ACAP2: variants seen among roughly 807,000 people sequenced by gnomAD.
The protein encoded by ACAP2 is arf-GAP with coiled-coil, ANK repeat and PH domain-containing protein 2.
Under a neutral mutation model 115.8 loss-of-function variants are expected in ACAP2, and 39 were observed. The observed-to-expected ratio is 0.34, with a 90% CI of 0.26 to 0.44. ACAP2 has a LOEUF of 0.44. Among genes scored for constraint, ACAP2 ranks in the 20% least tolerant of loss-of-function variants. The pLI, the probability that ACAP2 is intolerant of heterozygous loss-of-function variation, is 1.00. For synonymous variants in ACAP2, 289 were observed against 315.8 expected, an observed-to-expected ratio of 0.92 and a Z score of 0.90; for missense variants, 662 against 927.6, an observed-to-expected ratio of 0.71 and a Z score of 3.72.
intron 1 of ACAP2, among the ~76,000 whole-genome samples, chr3:195,398,530 G>A (rs999654000): frequency 2.6e-5 from 4 of 151,856 alleles, no homozygotes; most frequent in Non-Finnish European, 2.9e-5. Context: ...CCCGCTACTC[G>A]GGAGGCTGAG....
At chr3:195,291,594 C>A in intron 20 of ACAP2, 112 bp downstream of exon 20, 1 of 699,474 alleles carries the variant, frequency 1.4e-6, no homozygotes, top group South Asian at 2.9e-5. Context: ...AGTCATGGAA[C>A]ACATCTCTTT....
At chr3:195,341,438 C>A (rs1210521680) in intron 6 of ACAP2, among the ~76,000 whole-genome samples, 1 of 149,808 alleles carries the variant, frequency 6.7e-6, no homozygotes, top group Non-Finnish European at 1.5e-5. Flanking sequence ...CATTCTCCTG[C>A]CTCAGCCTCC....
At chr3:195,313,280 T>A (rs1300775582) in intron 10 of ACAP2, among the ~76,000 whole-genome samples, 1 of 152,236 alleles carries the variant, frequency 6.6e-6, no homozygotes, top group Non-Finnish European at 1.5e-5. Context: ...TACTTGGATA[T>A]ACCTCTACTA....
At chr3:195,396,590 C>A (rs1304715287) in intron 1 of ACAP2, among the ~76,000 whole-genome samples, 1 of 151,806 alleles carries the variant, frequency 6.6e-6, no homozygotes, top group Non-Finnish European at 1.5e-5. Context: ...GAGTTCAATA[C>A]CAGCCTGGCC....
intron 6 of ACAP2, among the ~76,000 whole-genome samples, chr3:195,339,646 C>T (rs1242082410): frequency 6.6e-6 from 1 of 151,754 alleles, no homozygotes; most frequent in East Asian, 1.9e-4. Context: ...AAATAAAGGC[C>T]ATAAAATGAT....
At chr3:195,384,951 T>C (rs190799084) in intron 2 of ACAP2, among the ~76,000 whole-genome samples, 6 of 152,174 alleles carry the variant, frequency 3.9e-5, no homozygotes, top group Admixed American at 6.5e-5. Context: ...GCAAAAAATA[T>C]AGGGTTCTCA....
At position 195,350,438 on chromosome 3, in the gene ACAP2, G is replaced by A. The variant is rs1731479885; in HGVS notation, c.286-5121C>T. ...AGTTTGAGAGGATCACTTGAGCCCA[G>A]GAGTTGGAGACCAGCCTTGGCAACA... On this transcript the variant is annotated intron_variant, in intron 4 of 22. Coordinates refer to ENST00000326793, the MANE Select transcript of ACAP2 (RefSeq NM_012287.6). Among the ~76,000 whole-genome samples, 10 of 152,098 alleles carry A rather than the reference G, an allele frequency of 6.6e-5. No homozygotes were observed. The South Asian group carries it at 2.1e-3, about 32-fold the overall frequency.
chr3:195,404,400 A>T (rs1712564389), intron 1 of ACAP2, among the ~76,000 whole-genome samples: 2 of 152,170 alleles, frequency 1.3e-5, no homozygotes. Context: ...TGTGCTTCTA[A>T]GGAAGAGATA....
In ACAP2 at chr3:195,392,081, A is replaced by G; in HGVS notation, c.111+9T>C. On this transcript the variant is annotated intron_variant, in intron 2 of 22. Transcript: ENST00000326793. Reference sequence around the variant, plus strand: ...TCAATGTTTCAAAAAGCTAACTTGTAAAATTTACCTTATCAAGTTTTAGTT... The same window carrying G: ...TCAATGTTTCAAAAAGCTAACTTGTGAAATTTACCTTATCAAGTTTTAGTT... The G allele has an allele frequency of 6.2e-7, 1 of 1,609,742 alleles. No homozygotes were observed. Among genetic ancestry groups the G allele is most frequent in the South Asian group, 1.1e-5 (1 of 90,628 alleles).
intron 12 of ACAP2, 46 bp from the exon 13 acceptor site, chr3:195,306,662 C>A (rs1483936534): frequency 7.7e-7 from 1 of 1,299,890 alleles, no homozygotes; most frequent in South Asian, 1.2e-5. Context: ...AAGTTAATGC[C>A]AAAAACACCC....
chr3:195,428,656 ATGACAAAATCATGATGCAT>A (rs1714874408), intron 1 of ACAP2, among the ~76,000 whole-genome samples: 2 of 152,150 alleles, frequency 1.3e-5, no homozygotes, highest in African/African-American at 2.4e-5. Context: ...TGATGTTTAC[ATGACAAAATCATGATGCAT>A]TTCTCAGAAG....
intron 10 of ACAP2, among the ~76,000 whole-genome samples, chr3:195,316,276 C>G (rs1200048717): frequency 6.6e-6 from 1 of 151,350 alleles, no homozygotes; most frequent in Non-Finnish European, 1.5e-5. Context: ...TACTGTCTTA[C>G]TTTTTAGAGC....
At chr3:195,426,375 T>A in intron 1 of ACAP2, among the ~76,000 whole-genome samples, 1 of 152,172 alleles carries the variant, frequency 6.6e-6, no homozygotes, top group Non-Finnish European at 1.5e-5. Flanking sequence ...CAATGAGTAT[T>A]CGTGCCAAAA....
At chr3:195,412,692 T>A (rs1235580824) in intron 1 of ACAP2, among the ~76,000 whole-genome samples, 2 of 152,210 alleles carry the variant, frequency 1.3e-5, no homozygotes, top group Non-Finnish European at 2.9e-5. Context: ...TAAGCCCTTT[T>A]GAGCTACAAG....
chr3:195,315,698 A>T (rs1729042358), intron 10 of ACAP2, among the ~76,000 whole-genome samples: 1 of 152,192 alleles, frequency 6.6e-6, no homozygotes, highest in South Asian at 2.1e-4. Flanking sequence ...ATTCTAGTCA[A>T]TAACTGCCAT....
intron 7 of ACAP2, among the ~76,000 whole-genome samples, chr3:195,334,961 T>C (rs963121847): frequency 2.6e-5 from 4 of 152,218 alleles, no homozygotes; most frequent in South Asian, 2.1e-4. Context: ...ATTTATGGTA[T>C]ATTCCTTCAA....
rs184935791 is a variant in ACAP2 at position 195,356,892 on chromosome 3, C to T, written c.286-11575G>A. ...CATGCAGACTTCAGGTGTGACCCGGCATATTCACAGCTGCGGTGGCTACGA... is the reference window on the plus strand; with the variant it reads ...CATGCAGACTTCAGGTGTGACCCGGTATATTCACAGCTGCGGTGGCTACGA... On this transcript the variant is annotated intron_variant, in intron 4 of 22. Transcript: ENST00000326793. Among the ~76,000 whole-genome samples the T allele has an allele frequency of 1.1e-3, 173 of 151,886 alleles. 1 individual carries two copies. Among genetic ancestry groups the T allele is most frequent in the African/African-American group, 2.9e-3 (122 of 41,456 alleles).
intron 22 of ACAP2, among the ~76,000 whole-genome samples, chr3:195,280,365 G>A (rs976206350): frequency 2.6e-5 from 4 of 152,064 alleles, no homozygotes; most frequent in South Asian, 2.1e-4. Flanking sequence ...CCAGCTACTC[G>A]GGAGGCTGAG....
At chr3:195,386,649 G>A (rs1734324780) in intron 2 of ACAP2, among the ~76,000 whole-genome samples, 1 of 152,100 alleles carries the variant, frequency 6.6e-6, no homozygotes. Flanking sequence ...TCAGGTGCGG[G>A]GCAAGGGGAG....
Sources: allele counts gnomAD v4.1 joint callset (sites outside exome capture counted in the v4.1 genomes callset), GRCh38; gene constraint gnomAD v4.1.1; transcripts MANE v1.5; gene names NCBI Gene and HGNC (gene_info 2026-07-23, HGNC 2026-07-21).